The following CCNC variants were observed in gnomAD, a reference collection of about 807,000 sequenced individuals.
CCNC encodes the protein cyclin C, also known as cyclin-C.
A neutral mutation model predicts 50.0 loss-of-function variants in CCNC; 19 were observed. The ratio of observed to expected loss-of-function variants is 0.38; its 90% CI spans 0.27 to 0.56. The LOEUF is 0.56. Among genes scored for constraint, CCNC ranks in the 20% least tolerant of loss-of-function variants. The pLI is 0.72. For missense variants in CCNC, 200 were observed against 327.1 expected (o/e 0.61, Z 3.00); for synonymous variants, 93 against 103.7 (o/e 0.90, Z 0.63).
rs1554263407 is a variant in CCNC at position 99,567,420 on chromosome 6, C to CAT, written c.32+1074_32+1075dup. ...ATATATATATACATACACACACACA[C>CAT]ATATATATACACACACACACATATG... is the stretch of plus-strand genomic sequence containing the variant. On this transcript the variant is annotated intron_variant, in intron 1 of 11. Coordinates refer to ENST00000520429, the MANE Select transcript of CCNC (RefSeq NM_005190.4). 2.6e-4 allele frequency among the ~76,000 whole-genome samples: 22 copies of CAT among 83,642 alleles called. No individual in the cohort carries two copies. In the South Asian group the frequency reaches 0.011, roughly 40 times the overall value. 54.9% of individuals were successfully genotyped at this position (83,642 alleles called of 152,430 possible).
At chr6:99,550,403 T>G (rs1215397536) in intron 7 of CCNC, 94 bp from the exon 8 acceptor site, 1 of 846,586 alleles carries the variant, frequency 1.2e-6, no homozygotes, top group Non-Finnish European at 1.9e-6. Flanking sequence ...AATTGTGTAT[T>G]TCAAAGTGAA....
intron 2 of CCNC, chr6:99,561,900 A>G (rs2114394276): frequency 3.3e-6 from 1 of 300,310 alleles, no homozygotes; most frequent in South Asian, 1.4e-4. Context: ...AAACAACAAC[A>G]AAACAGAAAT....
chr6:99,559,720 CTT>C (rs35825182), intron 4 of CCNC, among the ~76,000 whole-genome samples: 142 of 128,580 alleles, frequency 1.1e-3, no homozygotes, highest in African/African-American at 2.5e-3. Context: ...AGGAATAATT[CTT>C]TTTTTTTTTT....
chr6:99,547,651 T>TTC (rs1206818180), intron 9 of CCNC, among the ~76,000 whole-genome samples: 1 of 152,168 alleles, frequency 6.6e-6, no homozygotes, highest in African/African-American at 2.4e-5. Flanking sequence ...CATCCCTGGC[T>TTC]TCTACCCACT....
Position 99,558,272 on chromosome 6 carries a change from T to C in CCNC, c.346+225A>G, listed in dbSNP as rs368419063. On this transcript the variant is annotated intron_variant, in intron 5 of 11. Coordinates refer to ENST00000520429, the MANE Select transcript of CCNC (RefSeq NM_005190.4). Reference sequence around the variant, plus strand: ...TGAGTTGATGTTTTTGGATTGATAATTACTATCCATTTTAACATTAAAAGT... The same window carrying C: ...TGAGTTGATGTTTTTGGATTGATAACTACTATCCATTTTAACATTAAAAGT... 6 of 522,794 alleles carry C rather than the reference T, an allele frequency of 1.1e-5. No individual in the cohort carries two copies. The East Asian group carries it at 1.7e-4, about 15-fold the overall frequency. 32.4% of individuals were successfully genotyped at this position (522,794 alleles called of 1,614,324 possible). A position where few individuals can be genotyped will look rare whatever the true frequency, so the allele number is the denominator to read the frequency against.
intron 9 of CCNC, among the ~76,000 whole-genome samples, chr6:99,546,768 A>G (rs1395828906): frequency 1.3e-5 from 2 of 152,214 alleles, no homozygotes; most frequent in African/African-American, 4.8e-5. Context: ...GAGAGCAGAA[A>G]AGGGAAGTTA....
chr6:99,544,563 T>A (rs1241475881), intron 11 of CCNC, among the ~76,000 whole-genome samples: 1 of 151,794 alleles, frequency 6.6e-6, no homozygotes, highest in Non-Finnish European at 1.5e-5. Flanking sequence ...TACACCCCAA[T>A]AACAACAAAA....
chr6:99,551,923 C>T, intron 5 of CCNC, 28 bp from the exon 6 acceptor site: 2 of 1,339,960 alleles, frequency 1.5e-6, no homozygotes, highest in Non-Finnish European at 2.0e-6. Flanking sequence ...AAAATTTAAA[C>T]TGAGAAAATG....
chr6:99,546,586 C>T (rs1802079777), intron 9 of CCNC, 112 bp from the exon 10 acceptor site: 1 of 683,162 alleles, frequency 1.5e-6, no homozygotes, highest in Non-Finnish European at 2.6e-6. Flanking sequence ...CTTTAAAAAA[C>T]ATTAAACAGC....
intron 5 of CCNC, among the ~76,000 whole-genome samples, chr6:99,556,465 A>G (rs1393240603): frequency 1.3e-5 from 2 of 152,168 alleles, no homozygotes; most frequent in African/African-American, 4.8e-5. Context: ...TTCATCTTAC[A>G]TAATTCTGTC....
intron 6 of CCNC, among the ~76,000 whole-genome samples, chr6:99,551,618 G>A (rs897123634): frequency 6.6e-5 from 10 of 152,072 alleles, no homozygotes; most frequent in African/African-American, 9.7e-5. Flanking sequence ...TTATTTACAA[G>A]TTCCCAAGGT....
intron 10 of CCNC, among the ~76,000 whole-genome samples, chr6:99,546,002 T>C (rs1802053935): frequency 6.6e-6 from 1 of 152,068 alleles, no homozygotes; most frequent in Admixed American, 6.5e-5. Flanking sequence ...GGAGTCTCGC[T>C]CTGTTGCCCA....
chr6:99,568,538 T>C lies in CCNC; in HGVS notation c.-11A>G, dbSNP rs1451941782. Reference sequence around the variant, plus strand: ...AAAGTTCCCTGCCATGGAACACAGCTTGCCCTGATAAAAAAGCACCAGCCG... The same window carrying C: ...AAAGTTCCCTGCCATGGAACACAGCCTGCCCTGATAAAAAAGCACCAGCCG... On this transcript the variant is annotated 5_prime_UTR_variant, in exon 1 of 12. Transcript: ENST00000520429. The C allele has an allele frequency of 4.3e-6, 7 of 1,612,010 alleles. No individual in the cohort carries two copies. The East Asian group carries it at 8.9e-5, about 21-fold the overall frequency.
chr6:99,561,585 AAAC>A lies in CCNC; in HGVS notation c.224+9_224+11del. ...ATAAGAGTTCAAATAAATAAAATAA[AAAC>A]AATCCTACCTGGCATAGAATCTCTT... On this transcript the variant is annotated intron_variant, in intron 3 of 11. Transcript: ENST00000520429. 1 of 1,578,060 alleles carries A rather than the reference AAAC, an allele frequency of 6.3e-7. No homozygotes were observed. Among genetic ancestry groups the A allele is most frequent in the South Asian group, 1.1e-5 (1 of 88,448 alleles).
intron 5 of CCNC, 92 bp downstream of exon 5, chr6:99,558,405 T>C (rs776701549): frequency 6.5e-7 from 1 of 1,546,124 alleles, no homozygotes; most frequent in Non-Finnish European, 8.7e-7. Context: ...ACCAATCTCA[T>C]ATGTCTCATA....
At chr6:99,551,747 A>T in intron 6 of CCNC, 93 bp downstream of exon 6, 2 of 774,730 alleles carry the variant, frequency 2.6e-6, no homozygotes, top group Non-Finnish European at 3.7e-6. Flanking sequence ...TGAAACTGCC[A>T]TTTCTAGGAA....
chr6:99,551,906 TA>T lies in CCNC; in HGVS notation c.347-12del, dbSNP rs370442761. 2,002 of 1,340,782 alleles carry T rather than the reference TA, an allele frequency of 1.5e-3. No individual in the cohort carries two copies. Among genetic ancestry groups the T allele is most frequent in the South Asian group, 3.0e-3 (200 of 67,234 alleles). The allele number at this position is 1,340,782 out of a possible 1,614,324, so 83.1% of individuals were successfully genotyped here. On this transcript the variant is annotated splice_polypyrimidine_tract_variant and intron_variant, in intron 5 of 11. Transcript: ENST00000520429. ...AAAATCTAGTTTTTACTGCAGAAAA[TA>T]AAAAAAAAATTTAAACTGAGAAAAT...
At chr6:99,546,223 C>T (rs1286811771) in intron 10 of CCNC, among the ~76,000 whole-genome samples, 172 bp downstream of exon 10, 7 of 152,168 alleles carry the variant, frequency 4.6e-5, no homozygotes, top group African/African-American at 1.7e-4. Context: ...ACCTAGGCCT[C>T]CCAAAGTGCT....
intron 5 of CCNC, among the ~76,000 whole-genome samples, chr6:99,555,789 T>C (rs1802488102): frequency 6.6e-6 from 1 of 152,184 alleles, no homozygotes; most frequent in Admixed American, 6.5e-5. Context: ...ACTGCTGGCC[T>C]CACATTTTTA....
Sources: allele counts gnomAD v4.1 joint callset (sites outside exome capture counted in the v4.1 genomes callset), GRCh38; gene constraint gnomAD v4.1.1; transcripts MANE v1.5; gene names NCBI Gene and HGNC (gene_info 2026-07-23, HGNC 2026-07-21).